Variants in CRYBG2 observed in about 807,000 individuals in gnomAD.
The protein encoded by CRYBG2 is beta/gamma crystallin domain-containing protein 2.
CRYBG2 carries 106 observed loss-of-function variants against 153.4 expected under a neutral mutation model. That is an observed-to-expected ratio of 0.69 (90% CI 0.59 to 0.81). The LOEUF (loss-of-function observed/expected upper bound fraction) is 0.81. Ranked by LOEUF, CRYBG2 falls within the 30% of genes least tolerant of loss-of-function variation. The pLI, the probability that CRYBG2 is intolerant of heterozygous loss-of-function variation, is 0.00. For synonymous variants in CRYBG2, 851 were observed against 877.8 expected, an observed-to-expected ratio of 0.97 and a Z score of 0.54; for missense variants, 1,996 against 2,112.0, an observed-to-expected ratio of 0.95 and a Z score of 1.08.
chr1:26,340,905 C>T (rs796515934), intron 5 of CRYBG2, among the ~76,000 whole-genome samples: 1 of 151,982 alleles, frequency 6.6e-6, no homozygotes, highest in Non-Finnish European at 1.5e-5. Context: ...GCGTGAGCCA[C>T]CGCGTCCAGC....
chr1:26,329,173 CTTTT>C (rs35855833), intron 15 of CRYBG2, among the ~76,000 whole-genome samples: 1 of 98,646 alleles, frequency 1.0e-5, no homozygotes, highest in South Asian at 3.5e-4. Flanking sequence ...TTATTCTAGG[CTTTT>C]TTTTTTTTTT....
rs1182372938 is a variant in CRYBG2 at position 26,328,346 on chromosome 1, G to T, written c.4455-14C>A. On this transcript the variant is annotated splice_polypyrimidine_tract_variant and intron_variant, in intron 16 of 19. Coordinates refer to ENST00000308182, the MANE Select transcript of CRYBG2 (RefSeq NM_001039775.4). Reference sequence around the variant, plus strand: ...CATAGCACCCAACTGGGCCCAGCAGGTGTCAGGGACACAGAGAAGAGCACA... The same window carrying T: ...CATAGCACCCAACTGGGCCCAGCAGTTGTCAGGGACACAGAGAAGAGCACA... 3.2e-6 allele frequency: 5 copies of T among 1,564,418 alleles called. No homozygotes were observed. Among genetic ancestry groups the T allele is most frequent in the Non-Finnish European group, 3.5e-6 (4 of 1,154,346 alleles).
rs373726692 is a variant in CRYBG2, at chr1:26,346,159, G to A, written c.499C>T (p.Arg167Trp). Residue 167 changes from arginine (R) to tryptophan (W), a missense_variant, in exon 2 of 20, where the codon CGG becomes TGG. Transcript: ENST00000308182. This position sits in a 1 kb window ranked among gnomAD's most constrained non-coding sequence, Gnocchi z 4.9. The stretch of plus-strand genomic sequence containing the variant: ...GTCACTCGGTATTCCTCGAGGCTCC[G>A]GGAGCTACCACTGGTGAGACCTACA... The part of the protein sequence containing the change: ...PGVGLTSGSS[R>W]SLEEYRVTRT... 3.9e-5 allele frequency: 60 copies of A among 1,553,166 alleles called. No homozygotes were observed. Among genetic ancestry groups the A allele is most frequent in the African/African-American group, 2.8e-4 (20 of 72,706 alleles).
At position 26,346,498 on chromosome 1, in the gene CRYBG2, T is replaced by C. The variant is rs2074223327; in HGVS notation, c.160A>G (p.Met54Val). The stretch of plus-strand genomic sequence containing the variant: ...TCCTCTCGACGGCTGAACTCAAACA[T>C]CTCCTTCTGCGGGGCTTCCATCTGG... Reference protein sequence around the residue: ...GAQMEAPQKEMFEFSRREEVE... With the variant: ...GAQMEAPQKEVFEFSRREEVE... The change falls in exon 2 of 20, where the codon ATG (methionine) becomes GTG (valine). Residue 54 changes from methionine to valine, a missense_variant. Met to Val is a conservative substitution (Grantham distance 21). Coordinates refer to ENST00000308182, the MANE Select transcript of CRYBG2 (RefSeq NM_001039775.4). This position sits in a 1 kb window ranked among gnomAD's most constrained non-coding sequence, Gnocchi z 4.9. 1.9e-6 allele frequency: 3 copies of C among 1,612,736 alleles called. No individual in the cohort carries two copies. In the East Asian group the frequency reaches 6.7e-5, roughly 36 times the overall value.
intron 5 of CRYBG2, among the ~76,000 whole-genome samples, 184 bp from the exon 6 acceptor site, chr1:26,339,613 GTAA>G (rs1415853869): frequency 1.3e-5 from 2 of 152,120 alleles, no homozygotes; most frequent in African/African-American, 4.8e-5. Flanking sequence ...GGGCATGCCC[GTAA>G]TCCCAGCTAC....
intron 16 of CRYBG2, 148 bp from the exon 17 acceptor site, chr1:26,328,480 G>A: frequency 7.8e-7 from 1 of 1,282,940 alleles, no homozygotes; most frequent in African/African-American, 1.5e-5. Context: ...GGTTCCCAGG[G>A]CGGAGAGGGA....
Position 26,336,584 on chromosome 1 carries a change from G to C in CRYBG2, c.4038+22C>G. On this transcript the variant is annotated intron_variant, in intron 12 of 19. Transcript: ENST00000308182. This position sits in a 1 kb window ranked among gnomAD's most constrained non-coding sequence, Gnocchi z 4.9. ...CAGGTCCCGCCACCGGGGAGGCCCC[G>C]CCCCCCGCGGCCGGCACGCACCTGT... is the stretch of plus-strand genomic sequence containing the variant. The C allele has an allele frequency of 1.3e-6, 2 of 1,543,774 alleles. No homozygotes were observed. The highest frequency in any genetic ancestry group is 1.7e-6 in the Non-Finnish European group (2 of 1,144,038).
At chr1:26,342,935 G>GGC (rs941867146) in intron 4 of CRYBG2, 52 bp from the exon 5 acceptor site, 7 of 1,605,976 alleles carry the variant, frequency 4.4e-6, no homozygotes, top group Admixed American at 1.7e-5. Context: ...ATGTGCCCAG[G>GGC]GCTGCTGGGT....
At chr1:26,331,642 G>C in intron 14 of CRYBG2, 24 bp from the exon 15 acceptor site, 2 of 1,609,590 alleles carry the variant, frequency 1.2e-6, no homozygotes, top group Non-Finnish European at 1.7e-6. Flanking sequence ...AGAAATGGAG[G>C]GTATCTGAGC....
intron 14 of CRYBG2, among the ~76,000 whole-genome samples, chr1:26,331,891 A>C (rs772305614): frequency 1.3e-5 from 2 of 152,236 alleles, no homozygotes; most frequent in Non-Finnish European, 1.5e-5. Flanking sequence ...AATCCATCCC[A>C]AGGACACCAT....
rs773986539 is a variant in CRYBG2 at position 26,345,428 on chromosome 1, G to A, written c.1230C>T (p.Ser410=). ...PAATVLPMVR[S]EHVTVPGQPP... Reference sequence around the variant, plus strand: ...GTTGTCCAGGGACTGTCACATGCTCGCTCCTCACCATGGGCAGGACGGTGG... The same window carrying A: ...GTTGTCCAGGGACTGTCACATGCTCACTCCTCACCATGGGCAGGACGGTGG... The change falls in exon 2 of 20, where the codon AGC becomes AGT. Residue 410 remains serine, a synonymous_variant. Coordinates refer to ENST00000308182, the MANE Select transcript of CRYBG2 (RefSeq NM_001039775.4). The A allele has an allele frequency of 5.6e-6, 9 of 1,608,200 alleles. No individual in the cohort carries two copies. In the South Asian group the frequency reaches 7.7e-5, roughly 14 times the overall value.
intron 15 of CRYBG2, among the ~76,000 whole-genome samples, chr1:26,329,252 C>T (rs1466477293): frequency 6.9e-6 from 1 of 145,586 alleles, no homozygotes; most frequent in Non-Finnish European, 1.5e-5. Context: ...TATTGGCTCA[C>T]TGCAACCTCT....
At position 26,341,894 on chromosome 1, in the gene CRYBG2, CCT is replaced by C. The variant is rs367919646; in HGVS notation, c.3204+858_3204+859del. 1.5e-3 allele frequency among the ~76,000 whole-genome samples: 228 copies of C among 152,280 alleles called. 11 individuals are homozygous for C. In the South Asian group the frequency reaches 0.045, roughly 30 times the overall value. ...TCTTGGTCTCCCTGCCTCCAGGATCCCTCTTTTTTCCACCTGGCAGCCAGTGG... is the reference window on the plus strand; with the variant it reads ...TCTTGGTCTCCCTGCCTCCAGGATCCCTTTTTTCCACCTGGCAGCCAGTGG... On this transcript the variant is annotated intron_variant, in intron 5 of 19. Coordinates refer to ENST00000308182, the MANE Select transcript of CRYBG2 (RefSeq NM_001039775.4).
At position 26,328,298 on chromosome 1, in the gene CRYBG2, G is replaced by A. The variant is rs761638507; in HGVS notation, c.4489C>T (p.Arg1497Cys). The change falls in exon 17 of 20, where the codon CGC (arginine) becomes TGC (cysteine). Residue 1497 changes from arginine to cysteine, a missense_variant. Transcript: ENST00000308182. Reference protein sequence around the residue: ...VLCEHSDFRGRQWLVGSCEIT... With the variant: ...VLCEHSDFRGCQWLVGSCEIT... ...TCGCAGCTTCCCACCAGCCACTGGC[G>A]GCCCCGGAAGTCACTGTGTTCACAT... The A allele has an allele frequency of 1.1e-5, 17 of 1,571,042 alleles. No homozygotes were observed. The highest frequency in any genetic ancestry group is 2.3e-5 in the South Asian group (2 of 85,792).
At chr1:26,334,522 T>C (rs939210411) in intron 14 of CRYBG2, among the ~76,000 whole-genome samples, 2 of 152,232 alleles carry the variant, frequency 1.3e-5, no homozygotes, top group Non-Finnish European at 2.9e-5. Flanking sequence ...TATATTAGGT[T>C]GGTGACATAA....
Position 26,343,771 on chromosome 1 carries a change from C to A in CRYBG2, c.2887G>T (p.Ala963Ser). 6.9e-7 allele frequency: 1 copy of A among 1,449,080 alleles called. No individual in the cohort carries two copies. The highest frequency in any genetic ancestry group is 9.1e-7 in the Non-Finnish European group (1 of 1,098,512). 89.8% of individuals were successfully genotyped at this position (1,449,080 alleles called of 1,614,324 possible). The change falls in exon 2 of 20, where the codon GCC becomes TCC. Residue 963 changes from alanine to serine, a missense_variant. Coordinates refer to ENST00000308182, the MANE Select transcript of CRYBG2 (RefSeq NM_001039775.4). This position sits in a 1 kb window ranked among gnomAD's most constrained non-coding sequence, Gnocchi z 4.1. ...CACCCCTCCAGGGGCAGGGAACAGG[C>A]AAGCTTCTCCGTTGGGGATGATCTT... Reference protein sequence around the residue: ...SERSSPTEKLACSLPLEGWSP... With the variant: ...SERSSPTEKLSCSLPLEGWSP...
chr1:26,324,329 TGA>T lies in CRYBG2; in HGVS notation c.4579-21_4579-20del, dbSNP rs2073896692. The T allele has an allele frequency of 3.1e-6, 5 of 1,593,610 alleles. No individual in the cohort carries two copies. Among genetic ancestry groups the T allele is most frequent in the South Asian group, 1.1e-5 (1 of 90,128 alleles). ...CCCGGCGCTGGTGGCAGAAAGAGGC[TGA>T]GAGTCAGGGGTGCCGGGGAGGGATG... On this transcript the variant is annotated intron_variant, in intron 17 of 19. Transcript: ENST00000308182.
Position 26,343,819 on chromosome 1 carries a change from G to C in CRYBG2, c.2839C>G (p.Gln947Glu). 1.4e-6 allele frequency: 2 copies of C among 1,464,388 alleles called. No individual in the cohort carries two copies. The highest frequency in any genetic ancestry group is 5.0e-5 in the East Asian group (2 of 40,190). 90.7% of individuals were successfully genotyped at this position (1,464,388 alleles called of 1,614,324 possible). A position where few individuals can be genotyped will look rare whatever the true frequency, so the allele number is the denominator to read the frequency against. ...CTTTCACTGCAAAGCAGGGGCAACT[G>C]TCCTGGCACCTTCCTGAGCCCCGGT... ...GAPGLRKVPG[Q>E]LPLLCSERSS... Residue 947 changes from glutamine (Q) to glutamate (E), a missense_variant, in exon 2 of 20, where the codon CAG (glutamine) becomes GAG (glutamate). Transcript: ENST00000308182. The surrounding 1 kb of genome is among the most constrained non-coding windows in gnomAD (Gnocchi z 4.1).
rs1570211171 is a variant in CRYBG2, at chr1:26,346,394, C to A, written c.264G>T (p.Lys88Asn). ...CQGPRDTAGSKNFQSHGPIFS... is the reference protein window; with the variant it reads ...CQGPRDTAGSNNFQSHGPIFS... ...AGATGGGTCCATGGCTCTGGAAGTT[C>A]TTGGAGCCAGCTGTATCCCGAGGGC... is the stretch of plus-strand genomic sequence containing the variant. The change falls in exon 2 of 20, where the codon AAG (lysine) becomes AAT (asparagine). Residue 88 changes from lysine to asparagine, a missense_variant. Physicochemically the swap from Lys to Asn is moderately conservative, Grantham distance 94 (BLOSUM62 0). Coordinates refer to ENST00000308182, the MANE Select transcript of CRYBG2 (RefSeq NM_001039775.4). This position sits in a 1 kb window ranked among gnomAD's most constrained non-coding sequence, Gnocchi z 4.9. 6 of 1,599,774 alleles carry A rather than the reference C, an allele frequency of 3.8e-6. No homozygotes were observed. The East Asian group carries it at 1.3e-4, about 36-fold the overall frequency.
Sources: gnomAD v4.1 joint callset for allele counts (sites outside exome capture counted in the v4.1 genomes callset) on GRCh38, gnomAD v4.1.1 for gene constraint, Gnocchi (gnomAD v3.1) non-coding constraint, MANE v1.5 for transcripts, NCBI Gene and HGNC (gene_info 2026-07-23, HGNC 2026-07-21) for gene names.